PTPRD: variants seen among roughly 807,000 people sequenced by gnomAD.
The protein encoded by PTPRD is receptor-type tyrosine-protein phosphatase delta.
In PTPRD, 34 loss-of-function variants were observed where a neutral mutation model predicts 214.5. That is an observed-to-expected ratio of 0.16 (90% confidence interval 0.12 to 0.21). PTPRD has a LOEUF of 0.21. Ranked by LOEUF, PTPRD falls within the 10% of genes least tolerant of loss-of-function variation. The probability of loss-of-function intolerance (pLI) is 1.00; values close to 1 mark genes in which losing one functional copy is unlikely to be tolerated. For synonymous variants in PTPRD, 1,128 were observed against 845.7 expected (o/e 1.33, Z -5.79); for missense variants, 2,545 against 2,398.7 (o/e 1.06, Z -1.27).
At chr9:9,564,884 GTTTTTTT>G (rs1191664969) in intron 8 of PTPRD, among the ~76,000 whole-genome samples, 85 of 48,838 alleles carry the variant, frequency 1.7e-3, no homozygotes, top group African/African-American at 5.8e-3. Flanking sequence ...TGAATCTTCT[GTTTTTTT>G]TTTTTTTTTT....
intron 8 of PTPRD, among the ~76,000 whole-genome samples, chr9:9,435,762 G>A (rs1002612849): frequency 5.3e-5 from 8 of 152,014 alleles, no homozygotes; most frequent in African/African-American, 1.9e-4. Context: ...TACATGTAAT[G>A]TCTTAGTAAG....
At chr9:10,439,749 C>G (rs1228935946) in intron 2 of PTPRD, among the ~76,000 whole-genome samples, 1 of 151,754 alleles carries the variant, frequency 6.6e-6, no homozygotes, top group East Asian at 1.9e-4. Context: ...AGCCCTCTCC[C>G]TCTCTTACTT....
At chr9:8,734,038 C>G in intron 11 of PTPRD, 92 bp from the exon 12 acceptor site, 1 of 600,004 alleles carries the variant, frequency 1.7e-6, no homozygotes, top group Non-Finnish European at 3.0e-6. Flanking sequence ...TCACAATCAC[C>G]ATGACAGACA....
At chr9:10,207,342 T>C (rs1214591120) in intron 3 of PTPRD, among the ~76,000 whole-genome samples, 1 of 152,144 alleles carries the variant, frequency 6.6e-6, no homozygotes, top group Non-Finnish European at 1.5e-5. Context: ...TAATTCTTTC[T>C]CTGCATTTAT....
chr9:9,348,295 C>G (rs9408762), intron 9 of PTPRD, among the ~76,000 whole-genome samples: 8,498 of 152,088 alleles, frequency 0.056, 793 homozygotes, highest in African/African-American at 0.19. Flanking sequence ...GTCTCTGGCA[C>G]TGAAAGTTGT....
intron 35 of PTPRD, among the ~76,000 whole-genome samples, chr9:8,409,126 C>T (rs1215465816): frequency 6.6e-6 from 1 of 152,206 alleles, no homozygotes; most frequent in African/African-American, 2.4e-5. Flanking sequence ...GTAACTAATA[C>T]TTAGATAACA....
intron 8 of PTPRD, among the ~76,000 whole-genome samples, chr9:9,503,583 A>G (rs927300956): frequency 5.3e-5 from 8 of 151,790 alleles, no homozygotes; most frequent in African/African-American, 1.7e-4. Flanking sequence ...TTAGTCAACT[A>G]CAGTAAATAT....
chr9:10,508,397 A>G (rs920281743), intron 2 of PTPRD, among the ~76,000 whole-genome samples: 10 of 152,212 alleles, frequency 6.6e-5, no homozygotes, highest in Non-Finnish European at 1.5e-4. Context: ...GCGATTCCTC[A>G]GGGATCTAGA....
intron 9 of PTPRD, among the ~76,000 whole-genome samples, chr9:9,370,819 G>T (rs1431808248): frequency 9.9e-5 from 15 of 152,026 alleles, no homozygotes; most frequent in South Asian, 4.2e-4. Context: ...TTTTTAGCAT[G>T]AAGTGTTGTT....
At chr9:8,723,275 C>T (rs2098521645) in intron 12 of PTPRD, among the ~76,000 whole-genome samples, 1 of 152,144 alleles carries the variant, frequency 6.6e-6, no homozygotes, top group African/African-American at 2.4e-5. Flanking sequence ...CCTTCCCATT[C>T]TTCGGCTCAA....
At chr9:8,924,138 C>T (rs1567027333) in intron 11 of PTPRD, among the ~76,000 whole-genome samples, 1 of 151,884 alleles carries the variant, frequency 6.6e-6, no homozygotes, top group Non-Finnish European at 1.5e-5. Flanking sequence ...TTAAATCCAG[C>T]ACTCACTCAT....
At chr9:10,481,500 G>T (rs2099097568) in intron 2 of PTPRD, among the ~76,000 whole-genome samples, 1 of 152,042 alleles carries the variant, frequency 6.6e-6, no homozygotes, top group South Asian at 2.1e-4. Flanking sequence ...AATCCTGAAG[G>T]AAGACTCACA....
At position 8,411,727 on chromosome 9, in the gene PTPRD, A is replaced by C. The variant is rs562840115; in HGVS notation, c.4087-7067T>G. ...AAGATCAGCGATATGTGTTAATCCT[A>C]ATGTTTTCATTTTTAGCTATTTATC... On this transcript the variant is annotated intron_variant, in intron 35 of 45. Transcript: ENST00000381196. Among the ~76,000 whole-genome samples, 141 of 152,320 alleles carry C rather than the reference A, an allele frequency of 9.3e-4. 1 individual carries two copies. In the Middle Eastern group the frequency reaches 0.014, roughly 15 times the overall value.
chr9:9,926,499 G>C (rs1436956988), intron 5 of PTPRD, among the ~76,000 whole-genome samples: 2 of 152,016 alleles, frequency 1.3e-5, no homozygotes, highest in Non-Finnish European at 2.9e-5. Flanking sequence ...GTAAATACAT[G>C]ATGAATGCAT....
At chr9:8,751,802 T>A (rs191769175) in intron 11 of PTPRD, among the ~76,000 whole-genome samples, 9 of 152,332 alleles carry the variant, frequency 5.9e-5, no homozygotes, top group Admixed American at 5.9e-4. Flanking sequence ...TACCAGTATT[T>A]AACCCTCTGT....
chr9:8,505,649 G>A (rs1165315472), intron 22 of PTPRD, among the ~76,000 whole-genome samples: 89 of 137,516 alleles, frequency 6.5e-4, no homozygotes, highest in African/African-American at 1.9e-3. Context: ...AAAAAAAGAA[G>A]AAGAAGAAGA....
At chr9:10,247,998 A>G (rs1027383095) in intron 3 of PTPRD, among the ~76,000 whole-genome samples, 6 of 152,044 alleles carry the variant, frequency 3.9e-5, no homozygotes, top group African/African-American at 1.4e-4. Context: ...GTCTCACAAG[A>G]CCTGATGGCT....
At chr9:9,037,562 C>T (rs1052825772) in intron 10 of PTPRD, among the ~76,000 whole-genome samples, 2 of 152,116 alleles carry the variant, frequency 1.3e-5, no homozygotes, top group Admixed American at 6.6e-5. Context: ...CTCTCTCAAC[C>T]GCTAATTGAA....
At position 9,842,781 on chromosome 9, in the gene PTPRD, T is replaced by C. The variant is rs975949329; in HGVS notation, c.-367-75930A>G. On this transcript the variant is annotated intron_variant, in intron 5 of 45. Transcript: ENST00000381196. ...CAGGTGGTGGCCCACACAGTCCACA[T>C]GATGTGGAAGAAAAGGGAATGTCTT... is the stretch of plus-strand genomic sequence containing the variant. Among the ~76,000 whole-genome samples the C allele has an allele frequency of 1.4e-4, 21 of 151,582 alleles. 1 individual carries two copies. The highest frequency in any genetic ancestry group is 4.8e-4 in the African/African-American group (20 of 41,294).
Sources: gnomAD v4.1 joint callset for allele counts (sites outside exome capture counted in the v4.1 genomes callset) on GRCh38, gnomAD v4.1.1 for gene constraint, MANE v1.5 for transcripts, NCBI Gene and HGNC (gene_info 2026-07-23, HGNC 2026-07-21) for gene names.